The following IGF1R variants were observed in gnomAD, a reference collection of about 807,000 sequenced individuals.
The protein encoded by IGF1R is insulin like growth factor 1 receptor, also known as insulin-like growth factor 1 receptor.
IGF1R carries 44 observed loss-of-function variants against 144.6 expected under a neutral mutation model. The ratio of observed to expected loss-of-function variants is 0.30; its 90% CI spans 0.24 to 0.39. The LOEUF (loss-of-function observed/expected upper bound fraction) is 0.39. Among genes scored for constraint, IGF1R ranks in the 10% least tolerant of loss-of-function variants. IGF1R has a pLI of 1.00. For synonymous variants in IGF1R, 795 were observed against 722.8 expected, an observed-to-expected ratio of 1.10 and a Z score of -1.60; for missense variants, 1,355 against 1,833.7, an observed-to-expected ratio of 0.74 and a Z score of 4.77.
chr15:98,764,323 A>G (rs887377487), intron 2 of IGF1R, among the ~76,000 whole-genome samples: 79 of 152,070 alleles, frequency 5.2e-4, no homozygotes, highest in Admixed American at 3.9e-4. Flanking sequence ...TTTTTTTGTT[A>G]TTGTGTTTTT....
chr15:98,865,551 G>A (rs1485710074), intron 2 of IGF1R, among the ~76,000 whole-genome samples: 1 of 152,250 alleles, frequency 6.6e-6, no homozygotes, highest in Non-Finnish European at 1.5e-5. Context: ...ATGTGCTAAA[G>A]TGGATAGAAA....
At chr15:98,803,759 G>T (rs985050265) in intron 2 of IGF1R, among the ~76,000 whole-genome samples, 9 of 152,074 alleles carry the variant, frequency 5.9e-5, no homozygotes, top group African/African-American at 2.2e-4. Flanking sequence ...ACCCGCCTCG[G>T]CCTCCCAAAG....
chr15:98,673,250 G>T (rs2052944607), intron 1 of IGF1R, among the ~76,000 whole-genome samples: 1 of 152,188 alleles, frequency 6.6e-6, no homozygotes, highest in Admixed American at 6.5e-5. Flanking sequence ...CAGTGACATT[G>T]TGTGTATCAT....
At chr15:98,864,290 A>T (rs2012313467) in intron 2 of IGF1R, among the ~76,000 whole-genome samples, 1 of 152,234 alleles carries the variant, frequency 6.6e-6, no homozygotes, top group Non-Finnish European at 1.5e-5. Flanking sequence ...ATGGCAAACA[A>T]GTTGGAGGAG....
At chr15:98,835,907 G>C (rs1187549522) in intron 2 of IGF1R, among the ~76,000 whole-genome samples, 1 of 152,240 alleles carries the variant, frequency 6.6e-6, no homozygotes, top group Non-Finnish European at 1.5e-5. Flanking sequence ...GAGATTTGCT[G>C]TGGAAGGTGT....
At chr15:98,801,705 A>G (rs1323911101) in intron 2 of IGF1R, among the ~76,000 whole-genome samples, 21 of 152,230 alleles carry the variant, frequency 1.4e-4, no homozygotes, top group Non-Finnish European at 1.5e-5. Context: ...TATGGAGTAT[A>G]ATTCTGTTTT....
intron 2 of IGF1R, among the ~76,000 whole-genome samples, chr15:98,826,360 G>A (rs1161492153): frequency 1.3e-5 from 2 of 152,174 alleles, no homozygotes; most frequent in Non-Finnish European, 2.9e-5. Context: ...CATTGTCCAT[G>A]TTGCAACTTA....
At chr15:98,673,774 A>G (rs1053521198) in intron 1 of IGF1R, among the ~76,000 whole-genome samples, 2 of 152,198 alleles carry the variant, frequency 1.3e-5, no homozygotes, top group Non-Finnish European at 2.9e-5. Flanking sequence ...CGTGCTGTTC[A>G]TTCTGCAAAA....
intron 2 of IGF1R, among the ~76,000 whole-genome samples, chr15:98,738,760 T>G (rs2054669653): frequency 6.6e-6 from 1 of 152,204 alleles, no homozygotes; most frequent in Admixed American, 6.5e-5. Context: ...CTCTTGACTA[T>G]CCCATTTCAC....
At chr15:98,897,233 C>T (rs1004209927) in intron 4 of IGF1R, 1 of 316,722 alleles carries the variant, frequency 3.2e-6, no homozygotes, top group Non-Finnish European at 6.0e-6. Context: ...AGACGTGTGA[C>T]TCAGCAGACT....
chr15:98,962,870 A>G lies in IGF1R; in HGVS notation c.*5428A>G, dbSNP rs138827688. On this transcript the variant is annotated 3_prime_UTR_variant, in exon 21 of 21. Coordinates refer to ENST00000650285, the MANE Select transcript of IGF1R (RefSeq NM_000875.5). ...CGAATTGTTCAAGAACACAAACTAC[A>G]TCGCACTCGTCAGTTGTCAGTTCTG... The G allele has an allele frequency of 4.0e-4, 93 of 233,718 alleles. No individual in the cohort carries two copies. The Middle Eastern group carries it at 5.1e-3, about 13-fold the overall frequency. 14.5% of individuals were successfully genotyped at this position (233,718 alleles called of 1,614,324 possible).
At chr15:98,664,924 G>A (rs1256079759) in intron 1 of IGF1R, among the ~76,000 whole-genome samples, 5 of 143,790 alleles carry the variant, frequency 3.5e-5, no homozygotes, top group East Asian at 4.1e-4. Context: ...TACATTTGCC[G>A]TTTTTTTTTG....
chr15:98,849,937 T>TG (rs2011473557), intron 2 of IGF1R, among the ~76,000 whole-genome samples: 1 of 152,192 alleles, frequency 6.6e-6, no homozygotes, highest in Non-Finnish European at 1.5e-5. Context: ...CCCACATGGC[T>TG]GGGAGGACGG....
At chr15:98,851,420 A>G (rs1046148614) in intron 2 of IGF1R, among the ~76,000 whole-genome samples, 7 of 152,324 alleles carry the variant, frequency 4.6e-5, no homozygotes, top group Admixed American at 4.6e-4. Flanking sequence ...ACTTACCATC[A>G]GAGCGAAGCA....
chr15:98,723,401 G>C (rs946345103), intron 2 of IGF1R, among the ~76,000 whole-genome samples: 10 of 152,136 alleles, frequency 6.6e-5, no homozygotes, highest in Admixed American at 5.2e-4. Context: ...GACATGAATG[G>C]GCAAATGAAG....
At chr15:98,724,536 C>T (rs1056976059) in intron 2 of IGF1R, among the ~76,000 whole-genome samples, 1 of 152,180 alleles carries the variant, frequency 6.6e-6, no homozygotes, top group South Asian at 2.1e-4. Context: ...GCCCACAGTG[C>T]CATTTTCTGA....
At chr15:98,849,606 A>T (rs775682977) in intron 2 of IGF1R, among the ~76,000 whole-genome samples, 15 of 152,260 alleles carry the variant, frequency 9.9e-5, no homozygotes, top group Non-Finnish European at 1.6e-4. Context: ...GCCAAAAACC[A>T]TAAGCAAAGA....
Position 98,908,586 on chromosome 15 carries a change from T to C in IGF1R, c.1248-99T>C. 3.8e-6 allele frequency: 3 copies of C among 788,570 alleles called. No individual in the cohort carries two copies. The South Asian group carries it at 4.4e-5, about 11-fold the overall frequency. The allele number at this position is 788,570 out of a possible 1,614,324, so 48.8% of individuals were successfully genotyped here. The stretch of plus-strand genomic sequence containing the variant: ...TCTTATTGGCAAAGGAAATGTATTG[T>C]GGAGCAGGTGGCAAAGAGGACCTGT... On this transcript the variant is annotated intron_variant, in intron 5 of 20. Transcript: ENST00000650285.
intron 2 of IGF1R, among the ~76,000 whole-genome samples, chr15:98,851,435 AG>A (rs2011524474): frequency 6.6e-6 from 1 of 152,208 alleles, no homozygotes; most frequent in Non-Finnish European, 1.5e-5. Flanking sequence ...GAAGCACCAA[AG>A]AGCACATAAA....
Sources: gnomAD v4.1 joint callset for allele counts (sites outside exome capture counted in the v4.1 genomes callset) on GRCh38, gnomAD v4.1.1 for gene constraint, MANE v1.5 for transcripts, NCBI Gene and HGNC (gene_info 2026-07-23, HGNC 2026-07-21) for gene names.